Variants in LRBA observed in about 807,000 individuals in gnomAD.
LRBA encodes the protein lipopolysaccharide-responsive and beige-like anchor protein.
LRBA carries 176 observed loss-of-function variants against 330.0 expected under a neutral mutation model. The ratio of observed to expected loss-of-function variants is 0.53; its 90% CI spans 0.47 to 0.60. The LOEUF (loss-of-function observed/expected upper bound fraction) is 0.60, where lower values mean the gene tolerates loss of function less well. Among genes scored for constraint, LRBA ranks in the 20% least tolerant of loss-of-function variants. The pLI is 0.00. For missense variants in LRBA, 3,259 were observed against 3,444.8 expected, an observed-to-expected ratio of 0.95 and a Z score of 1.35; for synonymous variants, 1,230 against 1,193.0, an observed-to-expected ratio of 1.03 and a Z score of -0.64.
intron 40 of LRBA, chr4:150,581,420 G>C: frequency 5.3e-6 from 2 of 379,720 alleles, no homozygotes; most frequent in Non-Finnish European, 1.0e-5. Flanking sequence ...TGACTTTAAA[G>C]GAGGAAAAAA....
At chr4:150,668,047 C>T (rs1781719923) in intron 37 of LRBA, among the ~76,000 whole-genome samples, 1 of 152,166 alleles carries the variant, frequency 6.6e-6, no homozygotes, top group Admixed American at 6.5e-5. Flanking sequence ...TAGTTTCTTT[C>T]TTCCCTATCA....
intron 2 of LRBA, among the ~76,000 whole-genome samples, chr4:151,009,577 G>A (rs1744563989): frequency 6.6e-6 from 1 of 150,780 alleles, no homozygotes; most frequent in African/African-American, 2.4e-5. Context: ...AGCGGGTTTT[G>A]GTGGCATACG....
At chr4:150,951,761 G>C (rs1736860157) in intron 2 of LRBA, among the ~76,000 whole-genome samples, 1 of 152,126 alleles carries the variant, frequency 6.6e-6, no homozygotes, top group African/African-American at 2.4e-5. Flanking sequence ...CTACATTAAT[G>C]TATGTTACAG....
intron 33 of LRBA, among the ~76,000 whole-genome samples, chr4:150,802,271 C>T (rs1430686404): frequency 2.7e-5 from 4 of 145,578 alleles, no homozygotes; most frequent in South Asian, 2.2e-4. Flanking sequence ...AGCAATACAA[C>T]GACAGAGGCT....
At chr4:150,851,845 CAG>C in intron 23 of LRBA, 38 bp downstream of exon 23, 1 of 1,510,948 alleles carries the variant, frequency 6.6e-7, no homozygotes, top group South Asian at 1.4e-5. Context: ...TTTTTTAACT[CAG>C]TGCAAAAGTA....
At chr4:150,996,393 T>C (rs1205529408) in intron 2 of LRBA, among the ~76,000 whole-genome samples, 1 of 152,098 alleles carries the variant, frequency 6.6e-6, no homozygotes. Flanking sequence ...AAAAAAGCCA[T>C]GAACAAAACA....
At chr4:150,835,132 T>A (rs956401563) in intron 28 of LRBA, among the ~76,000 whole-genome samples, 1 of 152,196 alleles carries the variant, frequency 6.6e-6, no homozygotes, top group Non-Finnish European at 1.5e-5. Flanking sequence ...TGGTGTTATT[T>A]CTGAGGCCTC....
intron 48 of LRBA, among the ~76,000 whole-genome samples, chr4:150,343,895 C>T (rs1735917784): frequency 1.3e-5 from 2 of 152,158 alleles, no homozygotes; most frequent in Non-Finnish European, 2.9e-5. Context: ...TAAACAGAAT[C>T]TTGTTGCCTT....
At chr4:150,802,059 T>A (rs1182032909) in intron 33 of LRBA, among the ~76,000 whole-genome samples, 3 of 143,632 alleles carry the variant, frequency 2.1e-5, no homozygotes, top group Non-Finnish European at 1.5e-5. Context: ...ATCAATAAAA[T>A]TTTTTAAAAC....
At chr4:150,462,688 T>C (rs1009405696) in intron 44 of LRBA, among the ~76,000 whole-genome samples, 6 of 151,828 alleles carry the variant, frequency 4.0e-5, no homozygotes, top group Non-Finnish European at 7.4e-5. Flanking sequence ...ATTAAATAGA[T>C]ATAAATATGC....
chr4:150,339,434 T>A (rs1303135130), intron 48 of LRBA, among the ~76,000 whole-genome samples: 1 of 152,170 alleles, frequency 6.6e-6, no homozygotes, highest in Non-Finnish European at 1.5e-5. Flanking sequence ...AGTATTCATA[T>A]CCTCATGTTA....
At chr4:150,805,457 G>A (rs13150051) in intron 33 of LRBA, among the ~76,000 whole-genome samples, 1 of 93,416 alleles carries the variant, frequency 1.1e-5, no homozygotes, top group South Asian at 3.6e-4. Flanking sequence ...GGAAAGGAAA[G>A]GAAAGGAAAG....
intron 49 of LRBA, among the ~76,000 whole-genome samples, chr4:150,324,532 C>A (rs1732982120): frequency 6.7e-6 from 1 of 148,650 alleles, no homozygotes; most frequent in African/African-American, 2.5e-5. Flanking sequence ...GAGAAAAAAT[C>A]TTGGAAGAAG....
chr4:150,806,154 C>A (rs922904366), intron 33 of LRBA, 117 bp downstream of exon 33: 1 of 687,882 alleles, frequency 1.5e-6, no homozygotes, highest in African/African-American at 1.9e-5. Flanking sequence ...CTATGAGAAA[C>A]CTTGTCAAAG....
chr4:150,607,808 G>A (rs370405051), intron 37 of LRBA, among the ~76,000 whole-genome samples: 10 of 151,934 alleles, frequency 6.6e-5, no homozygotes, highest in Non-Finnish European at 5.9e-5. Context: ...AGGCTGAGGC[G>A]GGCGGATCAC....
intron 40 of LRBA, among the ~76,000 whole-genome samples, chr4:150,493,007 G>T (rs1484592154): frequency 6.6e-6 from 1 of 152,098 alleles, no homozygotes; most frequent in Non-Finnish European, 1.5e-5. Flanking sequence ...TCAAGACAGG[G>T]TCTTACTCTG....
intron 26 of LRBA, among the ~76,000 whole-genome samples, chr4:150,845,074 T>C (rs1366822044): frequency 2.0e-5 from 3 of 152,178 alleles, no homozygotes; most frequent in Non-Finnish European, 2.9e-5. Flanking sequence ...TAGGCTACTA[T>C]TTCTTAGATC....
At chr4:150,569,068 G>A (rs1297250992) in intron 40 of LRBA, among the ~76,000 whole-genome samples, 1 of 152,122 alleles carries the variant, frequency 6.6e-6, no homozygotes, top group Non-Finnish European at 1.5e-5. Context: ...CTGTAAAAAT[G>A]TAAGAGTTAA....
At position 150,315,422 on chromosome 4, in the gene LRBA, G is replaced by A. The variant is rs928299346; in HGVS notation, c.7693+139C>T. 8 of 746,414 alleles carry A rather than the reference G, an allele frequency of 1.1e-5. No individual in the cohort carries two copies. In the East Asian group the frequency reaches 2.1e-4, roughly 20 times the overall value. The allele number at this position is 746,414 out of a possible 1,614,324, so 46.2% of individuals were successfully genotyped here. Reference sequence around the variant, plus strand: ...AATACCAGCATAGCCACAGCTCATTGCATTCCAATTTGCATGCAAATGGTT... The same window carrying A: ...AATACCAGCATAGCCACAGCTCATTACATTCCAATTTGCATGCAAATGGTT... On this transcript the variant is annotated intron_variant, in intron 51 of 56. Coordinates refer to ENST00000651943, the MANE Select transcript of LRBA (RefSeq NM_001364905.1).
Sources: allele counts gnomAD v4.1 joint callset (sites outside exome capture counted in the v4.1 genomes callset), GRCh38; gene constraint gnomAD v4.1.1; transcripts MANE v1.5; gene names NCBI Gene and HGNC (gene_info 2026-07-23, HGNC 2026-07-21).